HSD17B12: variants seen among roughly 807,000 people sequenced by gnomAD.
The protein encoded by HSD17B12 is hydroxysteroid 17-beta dehydrogenase 12, also known as very-long-chain 3-oxoacyl-CoA reductase.
Under a neutral mutation model 39.3 loss-of-function variants are expected in HSD17B12, and 32 were observed. That is an observed-to-expected ratio of 0.81 (90% CI 0.61 to 1.09). The LOEUF (loss-of-function observed/expected upper bound fraction) is 1.09, where lower values mean the gene tolerates loss of function less well. Ranked by LOEUF, HSD17B12 falls within the 50% of genes least tolerant of loss-of-function variation. The probability of loss-of-function intolerance (pLI) is 0.00; values close to 1 mark genes in which losing one functional copy is unlikely to be tolerated. For synonymous variants in HSD17B12, 150 were observed against 146.7 expected, an observed-to-expected ratio of 1.02 and a Z score of -0.16; for missense variants, 342 against 382.9, an observed-to-expected ratio of 0.89 and a Z score of 0.89.
At chr11:43,813,722 A>T (rs997023405) in intron 4 of HSD17B12, among the ~76,000 whole-genome samples, 2 of 152,182 alleles carry the variant, frequency 1.3e-5, no homozygotes, top group African/African-American at 4.8e-5. Context: ...GACTCTTGGG[A>T]TGCCTGGTGG....
At chr11:43,728,110 G>A (rs975950297) in intron 1 of HSD17B12, among the ~76,000 whole-genome samples, 2 of 151,794 alleles carry the variant, frequency 1.3e-5, no homozygotes, top group Non-Finnish European at 2.9e-5. Flanking sequence ...CTGTCACTCA[G>A]GCTGGAGTGC....
At chr11:43,796,194 T>C (rs979251857) in intron 3 of HSD17B12, among the ~76,000 whole-genome samples, 3 of 152,294 alleles carry the variant, frequency 2.0e-5, no homozygotes, top group East Asian at 1.9e-4. Context: ...CTTTTGGCTC[T>C]TACTCTGAGT....
chr11:43,682,200 G>C (rs1949752530), intron 1 of HSD17B12, among the ~76,000 whole-genome samples: 1 of 152,168 alleles, frequency 6.6e-6, no homozygotes, highest in African/African-American at 2.4e-5. Context: ...GAAATCTTTG[G>C]ACGATGTGGA....
chr11:43,742,792 A>G (rs926852817), intron 1 of HSD17B12, among the ~76,000 whole-genome samples: 1 of 151,306 alleles, frequency 6.6e-6, no homozygotes, highest in Non-Finnish European at 1.5e-5. Flanking sequence ...TAATTTTTAC[A>G]CTTCTCTGTT....
At chr11:43,738,654 A>G (rs1463326804) in intron 1 of HSD17B12, among the ~76,000 whole-genome samples, 1 of 152,218 alleles carries the variant, frequency 6.6e-6, no homozygotes, top group Non-Finnish European at 1.5e-5. Context: ...ATCTCCATTC[A>G]TTCACTCATC....
At chr11:43,808,134 G>T (rs769759110) in intron 4 of HSD17B12, among the ~76,000 whole-genome samples, 4 of 152,188 alleles carry the variant, frequency 2.6e-5, no homozygotes, top group Non-Finnish European at 5.9e-5. Context: ...TTTGGGATAT[G>T]TTAAGCTTAA....
the HSD17B12 span, chr11:43,569,860 A>G: frequency 2.0e-5 from 3 of 152,636 alleles, no homozygotes; most frequent in African/African-American, 7.2e-5. Flanking sequence ...GCTTTCTGCA[A>G]TGTTGCTGTT....
At chr11:43,673,312 A>C in the HSD17B12 span, 3 of 152,162 alleles carry the variant, frequency 2.0e-5, no homozygotes, top group African/African-American at 7.2e-5. Context: ...ATATGATACA[A>C]TATTGTTGCT....
chr11:43,853,709 A>G (rs1398264159), intron 9 of HSD17B12: 1 of 152,196 alleles, frequency 6.6e-6, no homozygotes, highest in African/African-American at 2.4e-5. Flanking sequence ...GGATCCCTTG[A>G]GCCCAAGAGC....
intron 1 of HSD17B12, among the ~76,000 whole-genome samples, chr11:43,687,732 G>A (rs1321409134): frequency 6.6e-6 from 1 of 152,222 alleles, no homozygotes; most frequent in Admixed American, 6.5e-5. Flanking sequence ...TTATCCTGGA[G>A]CAGTGGAAAG....
chr11:43,807,448 T>C (rs1565096577), intron 4 of HSD17B12, among the ~76,000 whole-genome samples: 2 of 152,124 alleles, frequency 1.3e-5, no homozygotes, highest in Non-Finnish European at 2.9e-5. Context: ...GCCCTGTGAA[T>C]CTGGAGCAAG....
Position 43,798,194 on chromosome 11 carries a change from G to A in HSD17B12, c.284-126G>A. The A allele has an allele frequency of 6.4e-6, 4 of 628,324 alleles. No individual in the cohort carries two copies. The South Asian group carries it at 6.9e-5, about 11-fold the overall frequency. 38.9% of individuals were successfully genotyped at this position (628,324 alleles called of 1,614,324 possible). ...CATGATTGCTTAAAATTATCCTGGT[G>A]TAAATTTTGTATCAAATTGGGTGGG... On this transcript the variant is annotated intron_variant, in intron 3 of 10. Coordinates refer to ENST00000278353, the MANE Select transcript of HSD17B12 (RefSeq NM_016142.3).
At chr11:43,833,903 G>A (rs1951340142) in intron 7 of HSD17B12, 1 of 152,144 alleles carries the variant, frequency 6.6e-6, no homozygotes, top group Non-Finnish European at 1.5e-5. Flanking sequence ...ACATTATAGA[G>A]GAAAGTTGCT....
At chr11:43,606,788 T>C in the HSD17B12 span, among the ~76,000 whole-genome samples, 1 of 152,198 alleles carries the variant, frequency 6.6e-6, no homozygotes, top group Admixed American at 6.5e-5. Flanking sequence ...CTGGGATCAA[T>C]AGAGGCTTCC....
chr11:43,742,594 C>G (rs1950377712), intron 1 of HSD17B12, among the ~76,000 whole-genome samples: 1 of 152,138 alleles, frequency 6.6e-6, no homozygotes, highest in Non-Finnish European at 1.5e-5. Flanking sequence ...CATTACCCAT[C>G]ATGTAACTTG....
the HSD17B12 span, among the ~76,000 whole-genome samples, chr11:43,598,113 T>C: frequency 1.3e-5 from 2 of 152,138 alleles, no homozygotes; most frequent in Non-Finnish European, 2.9e-5. Context: ...GCCAGGTTAT[T>C]GTGCATCCTA....
intron 1 of HSD17B12, among the ~76,000 whole-genome samples, chr11:43,743,252 C>G (rs1402681738): frequency 1.3e-5 from 2 of 152,084 alleles, no homozygotes; most frequent in African/African-American, 4.8e-5. Context: ...GATGAAGTAG[C>G]AATACTTTTG....
Position 43,831,932 on chromosome 11 carries a change from A to T in HSD17B12, c.536+922A>T, listed in dbSNP as rs1951314927. Among the ~76,000 whole-genome samples, 1 of 152,180 alleles carries T rather than the reference A, an allele frequency of 6.6e-6. No individual in the cohort carries two copies. The highest frequency in any genetic ancestry group is 2.4e-5 in the African/African-American group (1 of 41,442). On this transcript the variant is annotated intron_variant, in intron 7 of 10. Transcript: ENST00000278353. This position sits in a 1 kb window ranked among gnomAD's most constrained non-coding sequence, Gnocchi z 4.1. ...GAACTTAGTAAGTGTTAACTCATTT[A>T]ACTTTGATAGCCTCCCACCATTGTA...
intron 1 of HSD17B12, among the ~76,000 whole-genome samples, chr11:43,682,220 T>C: frequency 6.6e-6 from 1 of 152,208 alleles, no homozygotes; most frequent in East Asian, 1.9e-4. Flanking sequence ...AGCAACATTA[T>C]AATTCTGTTT....
Sources: gnomAD v4.1 joint callset for allele counts (sites outside exome capture counted in the v4.1 genomes callset) on GRCh38, gnomAD v4.1.1 for gene constraint, Gnocchi (gnomAD v3.1) non-coding constraint, MANE v1.5 for transcripts, NCBI Gene and HGNC (gene_info 2026-07-23, HGNC 2026-07-21) for gene names.